The following SEPTIN14 variants were observed in gnomAD, a reference collection of about 807,000 sequenced individuals.
The protein encoded by SEPTIN14 is septin-14.
Under a neutral mutation model 53.6 loss-of-function variants are expected in SEPTIN14, and 40 were observed. The ratio of observed to expected loss-of-function variants is 0.75; its 90% CI spans 0.58 to 0.97. The LOEUF (loss-of-function observed/expected upper bound fraction) is 0.97, where lower values mean the gene tolerates loss of function less well. SEPTIN14 is among the 50% of genes least tolerant of loss of function. SEPTIN14 has a pLI of 0.00. For synonymous variants in SEPTIN14, 138 were observed against 166.8 expected (o/e 0.83, Z 1.33); for missense variants, 471 against 508.2 (o/e 0.93, Z 0.70).
chr7:55,799,466 T>C (rs28791039), intron 9 of SEPTIN14, among the ~76,000 whole-genome samples: 11,274 of 138,778 alleles, frequency 0.081, 1,065 homozygotes, highest in African/African-American at 0.23. Flanking sequence ...TGCAGTGAGC[T>C]GAGATCGTGC....
chr7:55,837,123 TGAG>T lies in SEPTIN14; in HGVS notation c.559-2540_559-2538del, dbSNP rs1398074021. 2.2e-3 allele frequency among the ~76,000 whole-genome samples: 327 copies of T among 148,872 alleles called. 3 individuals are homozygous for T. Among genetic ancestry groups the T allele is most frequent in the African/African-American group, 7.4e-3 (301 of 40,450 alleles). ...ATACTTTTAACCTTTTTTTTTTTTTTGAGAGAGAGAGAGAGAGGGTCTTGATCT... is the reference window on the plus strand; with the variant it reads ...ATACTTTTAACCTTTTTTTTTTTTTTAGAGAGAGAGAGAGGGTCTTGATCT... On this transcript the variant is annotated intron_variant, in intron 5 of 9. Transcript: ENST00000388975.
intron 7 of SEPTIN14, chr7:55,811,524 T>G (rs1481662779): frequency 2.8e-5 from 9 of 316,250 alleles, no homozygotes; most frequent in Non-Finnish European, 3.0e-5. Flanking sequence ...TTTTTTGAGA[T>G]GGAGTCTTGC....
At chr7:55,840,126 TAA>T (rs1297159977) in intron 5 of SEPTIN14, among the ~76,000 whole-genome samples, 96 of 113,406 alleles carry the variant, frequency 8.5e-4, no homozygotes, top group Admixed American at 8.2e-4. Context: ...GCCTGGGCAT[TAA>T]AAAAAAAAAA....
intron 9 of SEPTIN14, among the ~76,000 whole-genome samples, chr7:55,803,968 C>CAAAAA (rs201874545): frequency 8.7e-6 from 1 of 114,978 alleles, no homozygotes. Context: ...ACTAAAAATA[C>CAAAAA]AAAAAAAAAA....
At chr7:55,849,510 C>T (rs1324232428) in intron 2 of SEPTIN14, among the ~76,000 whole-genome samples, 4 of 151,994 alleles carry the variant, frequency 2.6e-5, no homozygotes, top group Non-Finnish European at 4.4e-5. Context: ...CTTTGGGAGG[C>T]TGAGGCAGGG....
chr7:55,856,770 G>T (rs867574061), intron 2 of SEPTIN14, among the ~76,000 whole-genome samples: 1 of 152,098 alleles, frequency 6.6e-6, no homozygotes, highest in Non-Finnish European at 1.5e-5. Flanking sequence ...TGTGAATAGC[G>T]CTGAGATGAA....
chr7:55,857,418 AAG>A (rs1189055913), intron 2 of SEPTIN14, among the ~76,000 whole-genome samples: 1 of 137,616 alleles, frequency 7.3e-6, no homozygotes, highest in Non-Finnish European at 1.6e-5. Context: ...GAAGAGAAAG[AAG>A]AGAGAGAAGA....
intron 2 of SEPTIN14, 98 bp from the exon 3 acceptor site, chr7:55,846,735 T>C: frequency 1.6e-6 from 1 of 629,824 alleles, no homozygotes. Context: ...TTAGAATTGA[T>C]TATCATTTGC....
rs751331958 is a variant in SEPTIN14, at chr7:55,849,603, G to A, written c.55-2966C>T. On this transcript the variant is annotated intron_variant, in intron 2 of 9. Transcript: ENST00000388975. ...TCTACTAAAAATACAAAAATTAGCC[G>A]GGCATGGTGGCACACGCCTGTAATA... Among the ~76,000 whole-genome samples the A allele has an allele frequency of 8.6e-5, 13 of 151,060 alleles. 1 individual carries two copies. In the South Asian group the frequency reaches 2.7e-3, roughly 32 times the overall value.
rs1319834979 is a variant in SEPTIN14 at position 55,846,512 on chromosome 7, C to G, written c.175+5G>C. On this transcript the variant is annotated splice_donor_5th_base_variant and intron_variant, in intron 3 of 9. Transcript: ENST00000388975. ...AATAATTCAAATGAGGTGTTTGACA[C>G]TTACCCACACAGAGAATATTAAAAG... 6.4e-7 allele frequency: 1 copy of G among 1,571,878 alleles called. No individual in the cohort carries two copies. The highest frequency in any genetic ancestry group is 2.0e-5 in the Admixed American group (1 of 49,652).
intron 2 of SEPTIN14, among the ~76,000 whole-genome samples, chr7:55,858,675 A>C (rs928374899): frequency 7.2e-5 from 11 of 152,152 alleles, no homozygotes; most frequent in Non-Finnish European, 2.9e-5. Flanking sequence ...GTGGTGGCGC[A>C]TGCCTATAAT....
At position 55,803,984 on chromosome 7, in the gene SEPTIN14, AAT is replaced by A. The variant is rs200363448; in HGVS notation, c.1119+1272_1119+1273del. Among the ~76,000 whole-genome samples, 471 of 150,336 alleles carry A rather than the reference AAT, an allele frequency of 3.1e-3. 6 individuals are homozygous for A. Among genetic ancestry groups the A allele is most frequent in the African/African-American group, 0.011 (435 of 40,988 alleles). ...CTAAAAATACAAAAAAAAAAAAAAA[AAT>A]TTAGTTGGGCACGGTGGTGAGCGCC... On this transcript the variant is annotated intron_variant, in intron 9 of 9. Coordinates refer to ENST00000388975, the MANE Select transcript of SEPTIN14 (RefSeq NM_207366.3).
chr7:55,825,418 G>A (rs190995759), intron 6 of SEPTIN14, among the ~76,000 whole-genome samples: 37 of 152,308 alleles, frequency 2.4e-4, no homozygotes, highest in African/African-American at 8.4e-4. Flanking sequence ...ACTGCAGTAT[G>A]GGATAGAGGT....
chr7:55,812,979 T>C (rs2115978879), intron 7 of SEPTIN14, among the ~76,000 whole-genome samples: 1 of 151,404 alleles, frequency 6.6e-6, no homozygotes, highest in African/African-American at 2.4e-5. Context: ...AGATGGAGTC[T>C]CGCTCTTTCA....
intron 6 of SEPTIN14, among the ~76,000 whole-genome samples, chr7:55,829,194 G>A (rs1789046976): frequency 6.6e-6 from 1 of 151,684 alleles, no homozygotes; most frequent in Non-Finnish European, 1.5e-5. Context: ...GCCTGGGCAA[G>A]ATGGTGAAAC....
intron 9 of SEPTIN14, 49 bp downstream of exon 9, chr7:55,805,209 T>C (rs1788592226): frequency 9.2e-6 from 14 of 1,521,124 alleles, no homozygotes; most frequent in African/African-American, 2.8e-5. Flanking sequence ...CCCAAATTAA[T>C]AGGGCACCTA....
rs1584251452 is a variant in SEPTIN14 at position 55,805,287 on chromosome 7, C to T, written c.1090G>A (p.Glu364Lys). The change falls in exon 9 of 10, where the codon GAA becomes AAA. Residue 364 changes from glutamate to lysine, a missense_variant. Transcript: ENST00000388975. ...QRFMQRVKEK[E>K]ATFKEAEKEL... ...TTTTCAGCTTCTTTAAATGTTGCTT[C>T]TTTCTCCTTGACTCGCTGCATAAAT... The T allele has an allele frequency of 6.2e-7, 1 of 1,612,454 alleles. No individual in the cohort carries two copies. Among genetic ancestry groups the T allele is most frequent in the East Asian group, 2.2e-5 (1 of 44,760 alleles).
chr7:55,801,457 G>A (rs59238316), intron 9 of SEPTIN14, among the ~76,000 whole-genome samples: 8,571 of 152,064 alleles, frequency 0.056, 421 homozygotes, highest in East Asian at 0.18. Flanking sequence ...GGATATCCTT[G>A]GTTAATAAAT....
intron 9 of SEPTIN14, among the ~76,000 whole-genome samples, chr7:55,803,122 G>C (rs1317365445): frequency 3.3e-5 from 5 of 152,166 alleles, no homozygotes; most frequent in East Asian, 1.9e-4. Context: ...ATTTTTAATA[G>C]AGACAAGGTT....
Sources: allele counts gnomAD v4.1 joint callset (sites outside exome capture counted in the v4.1 genomes callset), GRCh38; gene constraint gnomAD v4.1.1; transcripts MANE v1.5; gene names NCBI Gene and HGNC (gene_info 2026-07-23, HGNC 2026-07-21).